Variants in SGCG observed in about 807,000 individuals in gnomAD.
SGCG encodes sarcoglycan gamma.
In SGCG, 26 loss-of-function variants were observed where a neutral mutation model predicts 29.3. The ratio of observed to expected loss-of-function variants is 0.89; its 90% confidence interval spans 0.65 to 1.23. The LOEUF (loss-of-function observed/expected upper bound fraction) is 1.23, where lower values mean the gene tolerates loss of function less well. SGCG is among the 50% of genes most tolerant of loss of function. SGCG has a pLI of 0.00. For missense variants in SGCG, 353 were observed against 356.0 expected (o/e 0.99, Z 0.07); for synonymous variants, 145 against 129.7 (o/e 1.12, Z -0.80).
chr13:23,307,774 G>A (rs971351253), intron 6 of SGCG, among the ~76,000 whole-genome samples: 3 of 152,146 alleles, frequency 2.0e-5, no homozygotes, highest in African/African-American at 4.8e-5. Flanking sequence ...TTAATTTCAA[G>A]GCTCATCATT....
intron 4 of SGCG, among the ~76,000 whole-genome samples, chr13:23,273,330 A>G (rs6490789): frequency 0.64 from 96,935 of 151,898 alleles, 32,674 homozygotes; most frequent in Middle Eastern, 0.84. Context: ...GATTACAGGC[A>G]TGTACCATCA....
intron 6 of SGCG, among the ~76,000 whole-genome samples, chr13:23,308,255 T>G (rs535767): frequency 0.56 from 85,044 of 151,802 alleles, 24,746 homozygotes; most frequent in East Asian, 0.84. Flanking sequence ...TTGTATTCAG[T>G]TCTTTAATCA....
At chr13:23,305,200 G>A (rs187549222) in intron 6 of SGCG, among the ~76,000 whole-genome samples, 2 of 152,244 alleles carry the variant, frequency 1.3e-5, no homozygotes, top group Admixed American at 1.3e-4. Flanking sequence ...AAGAACAGGG[G>A]GTGTCTTTCC....
At chr13:23,166,250 T>C in the SGCG span, among the ~76,000 whole-genome samples, 1 of 152,206 alleles carries the variant, frequency 6.6e-6, no homozygotes, top group East Asian at 1.9e-4. Context: ...TGTTTGTTTT[T>C]TGAGGCAGAG....
intron 3 of SGCG, chr13:23,246,262 G>A (rs1020816753): frequency 1.3e-5 from 2 of 152,292 alleles, no homozygotes; most frequent in African/African-American, 2.4e-5. Context: ...AAATGTGGAA[G>A]CAGATGCGAA....
intron 3 of SGCG, chr13:23,245,794 A>T (rs1480243102): frequency 6.6e-6 from 1 of 152,172 alleles, no homozygotes; most frequent in African/African-American, 2.4e-5. Context: ...CTCCCATTCA[A>T]TGTTCCAAAA....
At chr13:23,172,223 T>TG in the SGCG span, among the ~76,000 whole-genome samples, 3 of 152,192 alleles carry the variant, frequency 2.0e-5, no homozygotes, top group Admixed American at 2.0e-4. Flanking sequence ...TATGTGGTTT[T>TG]CTCTTTTCTC....
chr13:23,223,181 G>A (rs1878742786), intron 2 of SGCG, among the ~76,000 whole-genome samples: 1 of 151,484 alleles, frequency 6.6e-6, no homozygotes, highest in Non-Finnish European at 1.5e-5. Context: ...TGGAGGCTGA[G>A]GCAGGAGAAT....
intron 4 of SGCG, among the ~76,000 whole-genome samples, chr13:23,255,012 C>T (rs560519949): frequency 6.6e-6 from 1 of 152,352 alleles, no homozygotes; most frequent in South Asian, 2.1e-4. Context: ...ACAGGCCCCA[C>T]AAAGATACTG....
chr13:23,161,313 C>T, the SGCG span, among the ~76,000 whole-genome samples: 1 of 152,172 alleles, frequency 6.6e-6, no homozygotes, highest in Non-Finnish European at 1.5e-5. Flanking sequence ...ACATCATTAC[C>T]GAGTATTCTG....
chr13:23,239,744 G>A (rs1356667656), intron 3 of SGCG, among the ~76,000 whole-genome samples: 1 of 152,146 alleles, frequency 6.6e-6, no homozygotes, highest in Non-Finnish European at 1.5e-5. Flanking sequence ...TCACACGTGA[G>A]TGGCAAAAAT....
intron 6 of SGCG, among the ~76,000 whole-genome samples, chr13:23,298,820 C>T (rs1322558197): frequency 1.3e-5 from 2 of 152,140 alleles, no homozygotes; most frequent in Admixed American, 1.3e-4. Context: ...GTATATACGG[C>T]AGGCTCTTAC....
the SGCG span, chr13:23,170,190 A>T: frequency 6.6e-6 from 1 of 152,252 alleles, no homozygotes; most frequent in African/African-American, 2.4e-5. Context: ...GAAATCCCAC[A>T]GAATCTAATT....
rs1282809077 is a variant in SGCG at position 23,195,794 on chromosome 13, G to C, written c.1-7901G>C. ...TTTGCTATATTTAGTGTGCTGTGCT[G>C]AGCAATTTGACTAAAAGATAAAGGA... On this transcript the variant is annotated intron_variant, in intron 1 of 7. Coordinates refer to ENST00000218867, the MANE Select transcript of SGCG (RefSeq NM_000231.3). 2.0e-5 allele frequency among the ~76,000 whole-genome samples: 3 copies of C among 151,930 alleles called. No homozygotes were observed. The East Asian group carries it at 5.8e-4, about 29-fold the overall frequency.
chr13:23,309,629 T>C (rs932006276), intron 6 of SGCG, among the ~76,000 whole-genome samples: 1 of 152,206 alleles, frequency 6.6e-6, no homozygotes, highest in Non-Finnish European at 1.5e-5. Flanking sequence ...TGAAATTATG[T>C]CTGCTATAGG....
chr13:23,321,575 G>A (rs1883043462), intron 7 of SGCG, among the ~76,000 whole-genome samples: 1 of 152,222 alleles, frequency 6.6e-6, no homozygotes, highest in African/African-American at 2.4e-5. Context: ...CCGTGGAGAT[G>A]GCTCCTCAGT....
At chr13:23,198,421 G>C (rs570714632) in intron 1 of SGCG, among the ~76,000 whole-genome samples, 77 of 152,194 alleles carry the variant, frequency 5.1e-4, no homozygotes, top group African/African-American at 1.9e-3. Flanking sequence ...TAACAAACTG[G>C]GGATCATGAA....
chr13:23,302,653 TA>T (rs1483703515), intron 6 of SGCG, among the ~76,000 whole-genome samples: 11 of 104,102 alleles, frequency 1.1e-4, no homozygotes, highest in Admixed American at 3.8e-4. Context: ...ACATATCAAT[TA>T]AAAATAATTT....
At chr13:23,216,198 T>C (rs540848141) in intron 2 of SGCG, among the ~76,000 whole-genome samples, 1 of 152,252 alleles carries the variant, frequency 6.6e-6, no homozygotes, top group East Asian at 1.9e-4. Flanking sequence ...TCCAATACTC[T>C]TTATTCAAGT....
Sources: allele counts gnomAD v4.1 joint callset (sites outside exome capture counted in the v4.1 genomes callset), GRCh38; gene constraint gnomAD v4.1.1; transcripts MANE v1.5; gene names NCBI Gene and HGNC (gene_info 2026-07-23, HGNC 2026-07-21).